MS4A8: variants seen among roughly 807,000 people sequenced by gnomAD.
The protein encoded by MS4A8 is membrane-spanning 4-domains subfamily A member 8.
In MS4A8, 27 loss-of-function variants were observed where a neutral mutation model predicts 23.7. The ratio of observed to expected loss-of-function variants is 1.14; its 90% CI spans 0.84 to 1.57. The LOEUF is 1.57. Among genes scored for constraint, MS4A8 ranks in the 40% most tolerant of loss-of-function variants. The pLI is 0.00. For synonymous variants in MS4A8, 138 were observed against 126.3 expected (o/e 1.09, Z -0.62); for missense variants, 301 against 311.4 (o/e 0.97, Z 0.25).
intron 1 of MS4A8, 106 bp from the exon 2 acceptor site, chr11:60,700,754 C>T (rs2088195585): frequency 9.2e-7 from 1 of 1,085,604 alleles, no homozygotes; most frequent in Non-Finnish European, 1.4e-6. Flanking sequence ...GATTCATAAA[C>T]TTGTAGAGGG....
Position 60,715,414 on chromosome 11 carries a change from A to C in MS4A8, c.753A>C (p.Ter251TyrextTer51). The part of the protein sequence containing the change: ...SYSSEIQANK[*>Y] ...CCAGTGAGATCCAAGCAAATAAGTA[A>C]GGCTACAGATTCTGGAAGCATCTTT... is the stretch of plus-strand genomic sequence containing the variant. The change falls in exon 7 of 7, where the codon TAA becomes TAC. Residue 251 changes from the stop codon to tyrosine, a stop_lost. Transcript: ENST00000300226. 6.2e-7 allele frequency: 1 copy of C among 1,611,640 alleles called. No individual in the cohort carries two copies. The highest frequency in any genetic ancestry group is 8.5e-7 in the Non-Finnish European group (1 of 1,177,966).
intron 4 of MS4A8, among the ~76,000 whole-genome samples, chr11:60,707,311 AG>A (rs2088264329): frequency 6.9e-5 from 10 of 145,890 alleles, no homozygotes; most frequent in Admixed American, 3.4e-4. Context: ...ATGGAGAGCG[AG>A]AGAGAGAGAG....
intron 5 of MS4A8, chr11:60,712,435 C>T: frequency 1.0e-6 from 1 of 985,260 alleles, no homozygotes; most frequent in Non-Finnish European, 1.2e-6. Flanking sequence ...AAGGAGAGGC[C>T]TCTCCAGAAG....
intron 5 of MS4A8, among the ~76,000 whole-genome samples, chr11:60,714,436 A>G (rs374561139): frequency 6.6e-6 from 1 of 152,192 alleles, no homozygotes; most frequent in Non-Finnish European, 1.5e-5. Context: ...ACTTCCTTCT[A>G]CACAGACACA....
intron 1 of MS4A8, among the ~76,000 whole-genome samples, 175 bp from the exon 2 acceptor site, chr11:60,700,685 T>G (rs892981048): frequency 6.6e-6 from 1 of 152,186 alleles, no homozygotes; most frequent in African/African-American, 2.4e-5. Context: ...TGAAAGGAAA[T>G]GTATTTGTAA....
intron 3 of MS4A8, among the ~76,000 whole-genome samples, chr11:60,704,011 C>G (rs963015200): frequency 6.6e-6 from 1 of 151,680 alleles, no homozygotes; most frequent in Non-Finnish European, 1.5e-5. Context: ...CTTCAATCTA[C>G]GAAATTTGGT....
chr11:60,704,493 C>T (rs1184668647), intron 3 of MS4A8, among the ~76,000 whole-genome samples: 1 of 152,118 alleles, frequency 6.6e-6, no homozygotes, highest in African/African-American at 2.4e-5. Flanking sequence ...TAGCCCCTGG[C>T]ATTGTTGGAC....
At chr11:60,714,946 G>T in intron 5 of MS4A8, 75 bp from the exon 6 acceptor site, 2 of 1,026,602 alleles carry the variant, frequency 1.9e-6, no homozygotes, top group Non-Finnish European at 1.5e-6. Context: ...AAGAGTCCAT[G>T]GCAGGGCCCC....
intron 3 of MS4A8, among the ~76,000 whole-genome samples, chr11:60,704,786 A>G (rs1415031702): frequency 1.3e-5 from 2 of 151,876 alleles, no homozygotes; most frequent in Non-Finnish European, 2.9e-5. Context: ...TATTACCTTT[A>G]TGGTTCCTTT....
At chr11:60,713,383 T>C (rs962064582) in intron 5 of MS4A8, among the ~76,000 whole-genome samples, 6 of 139,226 alleles carry the variant, frequency 4.3e-5, no homozygotes, top group African/African-American at 2.0e-4. Flanking sequence ...TTATTGGGCA[T>C]GGGTAATAGG....
At chr11:60,710,408 C>G (rs945063203) in intron 5 of MS4A8, among the ~76,000 whole-genome samples, 1 of 152,214 alleles carries the variant, frequency 6.6e-6, no homozygotes, top group African/African-American at 2.4e-5. Flanking sequence ...CTCCATCCTT[C>G]CAGTTGCTCG....
chr11:60,704,994 A>G (rs1436749530), intron 3 of MS4A8, among the ~76,000 whole-genome samples: 1 of 152,024 alleles, frequency 6.6e-6, no homozygotes, highest in East Asian at 1.9e-4. Flanking sequence ...TACATGTGAC[A>G]CTAATGCAAC....
At chr11:60,701,964 T>C (rs541154476) in intron 2 of MS4A8, among the ~76,000 whole-genome samples, 3 of 152,276 alleles carry the variant, frequency 2.0e-5, no homozygotes, top group Non-Finnish European at 4.4e-5. Flanking sequence ...CCCCAAGATA[T>C]GGAGTTAATG....
In MS4A8 at chr11:60,711,115, G is replaced by A. The variant is rs147417565; in HGVS notation, c.534+2334G>A. ...TTGTTACATTTCATGCTTACTGCCTGTCCCTAGAATGAGATTCTTAAGGAC... is the reference window on the plus strand; with the variant it reads ...TTGTTACATTTCATGCTTACTGCCTATCCCTAGAATGAGATTCTTAAGGAC... On this transcript the variant is annotated intron_variant, in intron 5 of 6. Coordinates refer to ENST00000300226, the MANE Select transcript of MS4A8 (RefSeq NM_031457.2). Among the ~76,000 whole-genome samples, 13 of 152,292 alleles carry A rather than the reference G, an allele frequency of 8.5e-5. No individual in the cohort carries two copies. The East Asian group carries it at 2.3e-3, about 27-fold the overall frequency.
At chr11:60,706,739 T>C (rs1471785710) in intron 3 of MS4A8, among the ~76,000 whole-genome samples, 1 of 152,180 alleles carries the variant, frequency 6.6e-6, no homozygotes, top group East Asian at 1.9e-4. Context: ...CTTAGAGAAG[T>C]TAATAACTTA....
At chr11:60,700,820 A>G (rs754630693) in intron 1 of MS4A8, 40 bp from the exon 2 acceptor site, 2 of 1,606,924 alleles carry the variant, frequency 1.2e-6, no homozygotes, top group Non-Finnish European at 1.7e-6. Context: ...GGACAAGTCC[A>G]TATGTGAGGG....
intron 5 of MS4A8, chr11:60,711,877 A>G: frequency 2.2e-6 from 1 of 455,872 alleles, no homozygotes; most frequent in South Asian, 1.6e-5. Context: ...CATGCCCACC[A>G]CCCATTCCAC....
chr11:60,708,660 G>C lies in MS4A8; in HGVS notation c.413G>C (p.Ser138Thr). The C allele has an allele frequency of 6.5e-7, 1 of 1,539,388 alleles. No homozygotes were observed. The highest frequency in any genetic ancestry group is 8.7e-7 in the Non-Finnish European group (1 of 1,145,382). The change falls in exon 5 of 7, where the codon AGT becomes ACT. Residue 138 changes from serine to threonine, a missense_variant. Coordinates refer to ENST00000300226, the MANE Select transcript of MS4A8 (RefSeq NM_031457.2). ...QPYSYCLLSG[S>T]LGLNIVSAIC... ...CTGTGTCTTCTTCAGCTGTCTGGCAGTTTGGGCTTGAACATCGTCAGTGCA... is the reference window on the plus strand; with the variant it reads ...CTGTGTCTTCTTCAGCTGTCTGGCACTTTGGGCTTGAACATCGTCAGTGCA...
chr11:60,713,102 C>A (rs1377687909), intron 5 of MS4A8, among the ~76,000 whole-genome samples: 1 of 152,158 alleles, frequency 6.6e-6, no homozygotes, highest in Admixed American at 6.5e-5. Context: ...AGAGAAACAG[C>A]CCCAATTCCT....
Sources: allele counts gnomAD v4.1 joint callset (sites outside exome capture counted in the v4.1 genomes callset), GRCh38; gene constraint gnomAD v4.1.1; transcripts MANE v1.5; gene names NCBI Gene and HGNC (gene_info 2026-07-23, HGNC 2026-07-21).